The following EIF2AK4 variants were observed in gnomAD, a reference collection of about 807,000 sequenced individuals.
EIF2AK4 encodes the protein eIF-2-alpha kinase GCN2.
A neutral mutation model predicts 211.1 loss-of-function variants in EIF2AK4; 139 were observed. The ratio of observed to expected loss-of-function variants is 0.66; its 90% CI spans 0.57 to 0.76. EIF2AK4 has a LOEUF of 0.76. Among genes scored for constraint, EIF2AK4 ranks in the 30% least tolerant of loss-of-function variants. EIF2AK4 has a pLI of 0.00. For synonymous variants in EIF2AK4, 710 were observed against 751.3 expected, an observed-to-expected ratio of 0.94 and a Z score of 0.90; for missense variants, 1,664 against 2,043.8, an observed-to-expected ratio of 0.81 and a Z score of 3.58.
Position 39,978,148 on chromosome 15 carries a change from G to GTA in EIF2AK4, c.2319+9_2319+10dup, listed in dbSNP as rs56315322. 4 of 1,500,306 alleles carry GTA rather than the reference G, an allele frequency of 2.7e-6. No individual in the cohort carries two copies. Among genetic ancestry groups the GTA allele is most frequent in the South Asian group, 1.2e-5 (1 of 80,754 alleles). 92.9% of individuals were successfully genotyped at this position (1,500,306 alleles called of 1,614,324 possible). On this transcript the variant is annotated splice_donor_variant, in intron 13 of 38. Transcript: ENST00000263791. LOFTEE classifies it high-confidence loss of function. ...TGAGAACAGTAAAAGTCAGAATCAG[G>GTA]TATATATATGAATAGAAATTATATC...
At chr15:39,989,636 G>A (rs2034915389) in intron 15 of EIF2AK4, among the ~76,000 whole-genome samples, 1 of 152,170 alleles carries the variant, frequency 6.6e-6, no homozygotes, top group African/African-American at 2.4e-5. Context: ...GGGACTTCTT[G>A]CTCTTAGAGG....
intron 6 of EIF2AK4, among the ~76,000 whole-genome samples, chr15:39,955,980 G>C (rs926519265): frequency 2.7e-5 from 4 of 149,776 alleles, no homozygotes; most frequent in African/African-American, 7.4e-5. Flanking sequence ...TATCTATCAT[G>C]AATCTAGTTT....
intron 7 of EIF2AK4, among the ~76,000 whole-genome samples, chr15:39,963,288 C>T (rs1190899098): frequency 1.3e-5 from 2 of 152,178 alleles, no homozygotes; most frequent in African/African-American, 4.8e-5. Flanking sequence ...GAAGTGACAA[C>T]ATAAAACTAC....
chr15:39,950,370 A>C (rs115214068), intron 4 of EIF2AK4, among the ~76,000 whole-genome samples: 9,573 of 152,196 alleles, frequency 0.063, 502 homozygotes, highest in East Asian at 0.29. Context: ...AGGCAGGTGG[A>C]TCACTTGAGG....
chr15:39,994,786 C>T (rs2034997261), intron 18 of EIF2AK4, among the ~76,000 whole-genome samples: 1 of 151,982 alleles, frequency 6.6e-6, no homozygotes, highest in Non-Finnish European at 1.5e-5. Context: ...GTTAGGGTAT[C>T]AGGAGATGGA....
chr15:39,991,984 T>A, intron 16 of EIF2AK4, 191 bp from the exon 17 acceptor site: 1 of 493,514 alleles, frequency 2.0e-6, no homozygotes, highest in Non-Finnish European at 3.6e-6. Context: ...CCCTCTTGAT[T>A]TCATTGGGTT....
intron 13 of EIF2AK4, among the ~76,000 whole-genome samples, chr15:39,982,967 C>G (rs538958230): frequency 6.6e-6 from 1 of 152,272 alleles, no homozygotes; most frequent in African/African-American, 2.4e-5. Context: ...TGGGTTGATT[C>G]CAAGTCTTCA....
intron 21 of EIF2AK4, among the ~76,000 whole-genome samples, chr15:40,002,175 T>C (rs2035101942): frequency 3.9e-5 from 6 of 152,236 alleles, no homozygotes; most frequent in Non-Finnish European, 1.5e-5. Flanking sequence ...GAAAGATATT[T>C]GCAGGATTAT....
chr15:39,967,316 TTC>T (rs766106975), intron 8 of EIF2AK4, 26 bp from the exon 9 acceptor site: 2 of 1,447,944 alleles, frequency 1.4e-6, no homozygotes, highest in Middle Eastern at 1.9e-4. Flanking sequence ...TGGCCCAATA[TTC>T]TTTTTTTTTT....
intron 3 of EIF2AK4, among the ~76,000 whole-genome samples, chr15:39,947,154 C>T (rs2034240374): frequency 6.6e-6 from 1 of 152,132 alleles, no homozygotes; most frequent in Non-Finnish European, 1.5e-5. Flanking sequence ...GCAAATCACT[C>T]TTCTTGTTTA....
intron 34 of EIF2AK4, among the ~76,000 whole-genome samples, chr15:40,030,145 G>A (rs966719493): frequency 2.0e-5 from 3 of 152,142 alleles, no homozygotes; most frequent in Admixed American, 6.5e-5. Context: ...CCCTGCCTGA[G>A]GAGAGAAGCA....
chr15:39,950,604 AAAG>A (rs1204206302), intron 4 of EIF2AK4, among the ~76,000 whole-genome samples: 12 of 151,752 alleles, frequency 7.9e-5, no homozygotes, highest in Non-Finnish European at 1.8e-4. Flanking sequence ...AAAAAAAAAA[AAAG>A]AAAAGAAAAG....
rs1462495433 is a variant in EIF2AK4, at chr15:39,978,082, G to A, written c.2254G>A (p.Ala752Thr). 1 of 1,596,090 alleles carries A rather than the reference G, an allele frequency of 6.3e-7. No individual in the cohort carries two copies. The highest frequency in any genetic ancestry group is 8.6e-7 in the Non-Finnish European group (1 of 1,168,300). ...GGVFSQSFLP[A>T]SDSESDIIFD... The stretch of plus-strand genomic sequence containing the variant: ...ATTTCTGTTTCCCTTTTTCAGGCCT[G>A]CTTCAGATTCTGAAAGTGATATTAT... The change falls in exon 13 of 39, where the codon GCT becomes ACT. Residue 752 changes from alanine (A) to threonine (T), a missense_variant. Transcript: ENST00000263791.
intron 36 of EIF2AK4, 29 bp from the exon 37 acceptor site, chr15:40,032,728 A>G: frequency 6.2e-7 from 1 of 1,608,134 alleles, no homozygotes; most frequent in Non-Finnish European, 8.5e-7. Context: ...TGCTGCTGAG[A>G]GTTGATGTAC....
intron 19 of EIF2AK4, 27 bp from the exon 20 acceptor site, chr15:39,998,704 C>G (rs2035054321): frequency 3.8e-6 from 6 of 1,599,028 alleles, no homozygotes; most frequent in Non-Finnish European, 5.1e-6. Flanking sequence ...CTGCCAAAAC[C>G]TTGCTGATTT....
intron 33 of EIF2AK4, among the ~76,000 whole-genome samples, chr15:40,027,747 G>A (rs775369692): frequency 2.0e-5 from 3 of 152,076 alleles, no homozygotes; most frequent in East Asian, 1.9e-4. Context: ...AAAAATTAGC[G>A]GGGCATGGTG....
intron 19 of EIF2AK4, 114 bp downstream of exon 19, chr15:39,997,179 T>A: frequency 1.3e-6 from 1 of 752,606 alleles, no homozygotes; most frequent in Non-Finnish European, 2.2e-6. Context: ...GAGGCTGCCC[T>A]ACTGTAATTT....
chr15:40,015,495 T>C (rs1219227283), intron 27 of EIF2AK4, among the ~76,000 whole-genome samples: 1 of 152,110 alleles, frequency 6.6e-6, no homozygotes, highest in Non-Finnish European at 1.5e-5. Context: ...TTCACTATCA[T>C]GAGACTATCA....
rs563269469 is a variant in EIF2AK4 at position 39,949,329 on chromosome 15, A to G, written c.513+61A>G. ...AGCCTGGAGGATTGCAAACTACTGT[A>G]GGTTTTATCTGTCTCTGCCTACAAA... is the stretch of plus-strand genomic sequence containing the variant. On this transcript the variant is annotated intron_variant, in intron 4 of 38. Transcript: ENST00000263791. 4.4e-6 allele frequency: 7 copies of G among 1,587,620 alleles called. No homozygotes were observed. The African/African-American group carries it at 8.1e-5, about 18-fold the overall frequency.
Sources: allele counts gnomAD v4.1 joint callset (sites outside exome capture counted in the v4.1 genomes callset), GRCh38; gene constraint gnomAD v4.1.1; transcripts MANE v1.5; gene names NCBI Gene and HGNC (gene_info 2026-07-23, HGNC 2026-07-21).